Variants in IQCM observed in about 807,000 individuals in gnomAD.
IQCM encodes IQ motif containing M, also known as IQ domain-containing protein M.
Under a neutral mutation model 57.6 loss-of-function variants are expected in IQCM, and 45 were observed. That is an observed-to-expected ratio of 0.78 (90% CI 0.62 to 1.00). IQCM has a LOEUF of 1.00. Ranked by LOEUF, IQCM falls within the 50% of genes least tolerant of loss-of-function variation. IQCM has a pLI of 0.00. For synonymous variants in IQCM, 148 were observed against 158.9 expected (o/e 0.93, Z 0.51); for missense variants, 468 against 511.6 (o/e 0.91, Z 0.82).
intron 2 of IQCM, among the ~76,000 whole-genome samples, chr4:149,763,841 C>CA (rs2149970161): frequency 6.6e-6 from 1 of 151,702 alleles, no homozygotes; most frequent in South Asian, 2.1e-4. Flanking sequence ...ACCTGAAGAA[C>CA]AGGGAACTTT....
At chr4:149,382,221 A>C (rs1380861830) in intron 13 of IQCM, among the ~76,000 whole-genome samples, 1 of 152,162 alleles carries the variant, frequency 6.6e-6, no homozygotes, top group African/African-American at 2.4e-5. Flanking sequence ...GTAGATGCTC[A>C]ACAAACCCTT....
chr4:149,532,021 C>T (rs1746798430), intron 12 of IQCM, among the ~76,000 whole-genome samples: 1 of 152,044 alleles, frequency 6.6e-6, no homozygotes, highest in South Asian at 2.1e-4. Context: ...GCTCCACTAT[C>T]ACCTCATGTA....
intron 13 of IQCM, among the ~76,000 whole-genome samples, chr4:149,387,806 C>CCT (rs1443489605): frequency 4.0e-5 from 6 of 151,742 alleles, no homozygotes; most frequent in African/African-American, 1.5e-4. Context: ...CAACACCCAC[C>CCT]CTCCCAAAAA....
At chr4:149,666,969 C>A (rs1439600164) in intron 7 of IQCM, among the ~76,000 whole-genome samples, 1 of 152,164 alleles carries the variant, frequency 6.6e-6, no homozygotes, top group African/African-American at 2.4e-5. Flanking sequence ...TGGGACAGAG[C>A]ACCTGGGGGA....
intron 12 of IQCM, among the ~76,000 whole-genome samples, chr4:149,502,518 CA>C (rs1743358899): frequency 6.6e-6 from 1 of 151,726 alleles, no homozygotes; most frequent in Non-Finnish European, 1.5e-5. Context: ...CAAAACAAAA[CA>C]AAAAACTAGC....
chr4:149,633,989 TTTTC>T (rs1331663864), intron 7 of IQCM, among the ~76,000 whole-genome samples: 1 of 152,096 alleles, frequency 6.6e-6, no homozygotes, highest in African/African-American at 2.4e-5. Context: ...AGCTTTATCT[TTTTC>T]TTTTTCTTTT....
intron 7 of IQCM, among the ~76,000 whole-genome samples, chr4:149,669,312 C>G (rs1342167622): frequency 6.6e-6 from 1 of 152,094 alleles, no homozygotes; most frequent in Non-Finnish European, 1.5e-5. Flanking sequence ...CCTTTGCCCA[C>G]TTTTTGATGG....
chr4:149,565,888 T>A (rs1447018767), intron 9 of IQCM, among the ~76,000 whole-genome samples: 1 of 152,198 alleles, frequency 6.6e-6, no homozygotes, highest in Non-Finnish European at 1.5e-5. Flanking sequence ...CAGTGGCTGA[T>A]TCATTCTATC....
intron 5 of IQCM, among the ~76,000 whole-genome samples, chr4:149,701,221 G>A (rs1205806749): frequency 6.6e-6 from 1 of 152,024 alleles, no homozygotes. Flanking sequence ...GTCATTAGTG[G>A]TGGGTGACAG....
intron 8 of IQCM, 58 bp downstream of exon 8, chr4:149,621,071 C>T: frequency 1.3e-6 from 1 of 765,656 alleles, no homozygotes; most frequent in Non-Finnish European, 1.8e-6. Context: ...AAAATTAATG[C>T]AATAATTTAC....
intron 12 of IQCM, among the ~76,000 whole-genome samples, chr4:149,473,874 G>C (rs1021435126): frequency 3.5e-4 from 53 of 152,106 alleles, no homozygotes; most frequent in Non-Finnish European, 7.6e-4. Context: ...CTATCGCAAG[G>C]ACAGAAAACC....
At chr4:149,815,105 T>A (rs1280259329) in intron 2 of IQCM, among the ~76,000 whole-genome samples, 1 of 151,962 alleles carries the variant, frequency 6.6e-6, no homozygotes, top group African/African-American at 2.4e-5. Flanking sequence ...GTATTAACAT[T>A]AAATATATTT....
At chr4:149,567,475 T>C (rs897462063) in intron 9 of IQCM, among the ~76,000 whole-genome samples, 7 of 151,884 alleles carry the variant, frequency 4.6e-5, no homozygotes, top group Admixed American at 4.6e-4. Context: ...GCCTCCTGAG[T>C]AGCTGGGATT....
At chr4:149,365,218 G>A (rs943518808) in intron 13 of IQCM, among the ~76,000 whole-genome samples, 12 of 151,968 alleles carry the variant, frequency 7.9e-5, no homozygotes, top group Admixed American at 7.2e-4. Flanking sequence ...CAGCAAGTAA[G>A]GAAATGCACA....
chr4:149,426,770 C>A (rs144000439), intron 13 of IQCM, among the ~76,000 whole-genome samples: 1 of 151,900 alleles, frequency 6.6e-6, no homozygotes, highest in Non-Finnish European at 1.5e-5. Flanking sequence ...CAAGGGAGAG[C>A]AAGGAAGAAG....
intron 9 of IQCM, among the ~76,000 whole-genome samples, chr4:149,568,513 C>A (rs779252647): frequency 1.3e-5 from 2 of 152,058 alleles, no homozygotes; most frequent in Non-Finnish European, 2.9e-5. Context: ...AAGCCAGGTA[C>A]AGTGGCTCCA....
intron 12 of IQCM, among the ~76,000 whole-genome samples, chr4:149,535,476 G>T (rs1341233377): frequency 6.6e-6 from 1 of 151,942 alleles, no homozygotes; most frequent in Non-Finnish European, 1.5e-5. Flanking sequence ...AGTACTGGGT[G>T]TATAATCTTA....
chr4:149,371,105 T>C lies in IQCM; in HGVS notation c.1391-19039A>G, dbSNP rs72953666. 7.8e-3 allele frequency among the ~76,000 whole-genome samples: 1,187 copies of C among 152,286 alleles called. 13 individuals carry two copies. The highest frequency in any genetic ancestry group is 0.022 in the African/African-American group (920 of 41,564). The stretch of plus-strand genomic sequence containing the variant: ...GTAAGCATAGTTGTTAAGATGAGTA[T>C]ATAATCCCTTATCAAACAGGGTCTA... On this transcript the variant is annotated intron_variant, in intron 13 of 13. Transcript: ENST00000636793.
At chr4:149,654,473 G>A (rs938356265) in intron 7 of IQCM, among the ~76,000 whole-genome samples, 1 of 152,076 alleles carries the variant, frequency 6.6e-6, no homozygotes. Context: ...CTTTTACCAT[G>A]CAACATGCAA....
Sources: gnomAD v4.1 joint callset for allele counts (sites outside exome capture counted in the v4.1 genomes callset) on GRCh38, gnomAD v4.1.1 for gene constraint, MANE v1.5 for transcripts, NCBI Gene and HGNC (gene_info 2026-07-23, HGNC 2026-07-21) for gene names.